The following FA2H variants were observed in gnomAD, a reference collection of about 807,000 sequenced individuals.
The protein encoded by FA2H is fatty acid 2-hydroxylase, also known as fatty acid alpha-hydroxylase.
In FA2H, 22 loss-of-function variants were observed where a neutral mutation model predicts 44.9. The observed-to-expected ratio is 0.49, with a 90% CI of 0.35 to 0.70. The LOEUF is 0.70. Among genes scored for constraint, FA2H ranks in the 30% least tolerant of loss-of-function variants. The pLI is 0.01. For missense variants in FA2H, 501 were observed against 504.9 expected (o/e 0.99, Z 0.07); for synonymous variants, 243 against 213.2 (o/e 1.14, Z -1.22).
At chr16:74,766,322 A>T (rs920836247) in intron 1 of FA2H, among the ~76,000 whole-genome samples, 3 of 151,768 alleles carry the variant, frequency 2.0e-5, no homozygotes, top group African/African-American at 7.3e-5. Flanking sequence ...AAAAAAAAAA[A>T]GTTATGAATG....
chr16:74,772,565 C>T (rs1316802345), intron 1 of FA2H, among the ~76,000 whole-genome samples: 1 of 152,202 alleles, frequency 6.6e-6, no homozygotes, highest in Non-Finnish European at 1.5e-5. Context: ...AGAAATTAGG[C>T]AGGATGACCC....
chr16:74,742,696 G>A (rs1753578189), intron 1 of FA2H, among the ~76,000 whole-genome samples: 2 of 152,116 alleles, frequency 1.3e-5, no homozygotes, highest in African/African-American at 4.8e-5. Flanking sequence ...AAAGCCAGGT[G>A]TGGTGGTAGT....
At position 74,774,758 on chromosome 16, in the gene FA2H, C is replaced by A; in HGVS notation, c.-3G>T. The A allele has an allele frequency of 7.7e-7, 1 of 1,299,722 alleles. No homozygotes were observed. Among genetic ancestry groups the A allele is most frequent in the Non-Finnish European group, 9.7e-7 (1 of 1,031,410 alleles). 80.5% of individuals were successfully genotyped at this position (1,299,722 alleles called of 1,614,324 possible). On this transcript the variant is annotated 5_prime_UTR_variant, in exon 1 of 7. Transcript: ENST00000219368. ...GCGGGGGGCGGAGCGGGGGCCATGG[C>A]CGGAGACCGCAGCTCCCAGCGCGCA...
chr16:74,741,844 GTGTATGTGTGTA>G (rs1177322287), intron 1 of FA2H, among the ~76,000 whole-genome samples: 1 of 140,330 alleles, frequency 7.1e-6, no homozygotes, highest in African/African-American at 2.7e-5. Context: ...GTGTATGTGT[GTGTATGTGTGTA>G]TGTGTGTGTG....
rs570520893 is a variant in FA2H, at chr16:74,714,074, G to A, written c.*116C>T. 4.7e-5 allele frequency: 33 copies of A among 700,364 alleles called. No individual in the cohort carries two copies. Among genetic ancestry groups the A allele is most frequent in the East Asian group, 1.6e-4 (6 of 36,842 alleles). The allele number at this position is 700,364 out of a possible 1,614,324, so 43.4% of individuals were successfully genotyped here. ...GCACCTTCCACTAGGCTGCAGGGCC[G>A]GACACAGCCCATCCTGCCTGGCCAA... is the stretch of plus-strand genomic sequence containing the variant. On this transcript the variant is annotated 3_prime_UTR_variant, in exon 7 of 7. Transcript: ENST00000219368.
At chr16:74,752,365 T>C (rs1421859309) in intron 1 of FA2H, among the ~76,000 whole-genome samples, 1 of 152,106 alleles carries the variant, frequency 6.6e-6, no homozygotes, top group Non-Finnish European at 1.5e-5. Context: ...CCATGACCCA[T>C]GAGCCCCACC....
intron 1 of FA2H, among the ~76,000 whole-genome samples, chr16:74,760,704 C>T (rs1290933907): frequency 1.3e-5 from 2 of 152,246 alleles, no homozygotes; most frequent in Non-Finnish European, 1.5e-5. Flanking sequence ...GATCCTTCTC[C>T]TTCTGTCTTC....
At chr16:74,734,526 C>T (rs1006547161) in intron 2 of FA2H, among the ~76,000 whole-genome samples, 1 of 152,230 alleles carries the variant, frequency 6.6e-6, no homozygotes, top group African/African-American at 2.4e-5. Flanking sequence ...CCAGCCTGCT[C>T]GGTCCCTGCC....
At chr16:74,725,628 G>A (rs1961935697) in intron 4 of FA2H, among the ~76,000 whole-genome samples, 1 of 152,192 alleles carries the variant, frequency 6.6e-6, no homozygotes, top group Non-Finnish European at 1.5e-5. Context: ...ATAATGACAG[G>A]ACCCTTCTTA....
rs57773726 is a variant in FA2H at position 74,741,773 on chromosome 16, A to AATATATATAT, written c.271-1668_271-1659dup. Among the ~76,000 whole-genome samples the AATATATATAT allele has an allele frequency of 8.6e-3, 412 of 47,910 alleles. 6 individuals are homozygous for AATATATATAT. The highest frequency in any genetic ancestry group is 0.012 in the Non-Finnish European group (320 of 27,538). The allele number at this position is 47,910 out of a possible 152,430, so 31.4% of individuals were successfully genotyped here. ...ACCGTGCTGGGCCAACACCTGATTAAATATATATATATATATATATATATA... is the reference window on the plus strand; with the variant it reads ...ACCGTGCTGGGCCAACACCTGATTAAATATATATATATATATATATATATATATATATATA... On this transcript the variant is annotated intron_variant, in intron 1 of 6. Transcript: ENST00000219368.
intron 2 of FA2H, among the ~76,000 whole-genome samples, chr16:74,728,230 C>T (rs1408763643): frequency 6.6e-6 from 1 of 152,146 alleles, no homozygotes; most frequent in African/African-American, 2.4e-5. Flanking sequence ...TTGAGACCAG[C>T]CTGGGCAATA....
intron 1 of FA2H, among the ~76,000 whole-genome samples, chr16:74,744,490 T>C (rs1962378856): frequency 6.7e-6 from 1 of 150,016 alleles, no homozygotes; most frequent in Non-Finnish European, 1.5e-5. Flanking sequence ...CTCAGTCTGT[T>C]ACCCAGGCTG....
At chr16:74,771,064 C>T (rs939656054) in intron 1 of FA2H, among the ~76,000 whole-genome samples, 12 of 152,058 alleles carry the variant, frequency 7.9e-5, no homozygotes, top group African/African-American at 2.9e-4. Flanking sequence ...GTTGCGAGGA[C>T]GAGCCACACC....
intron 1 of FA2H, among the ~76,000 whole-genome samples, chr16:74,765,214 T>C (rs569644655): frequency 2.0e-5 from 3 of 151,722 alleles, no homozygotes; most frequent in Non-Finnish European, 4.4e-5. Flanking sequence ...TGGAGTGCAA[T>C]GGCGCGATCT....
At chr16:74,764,726 TA>T (rs202030097) in intron 1 of FA2H, among the ~76,000 whole-genome samples, 390 of 143,770 alleles carry the variant, frequency 2.7e-3, no homozygotes, top group Middle Eastern at 3.6e-3. Flanking sequence ...CTTAGAAGTT[TA>T]AAAAAAAAAA....
chr16:74,727,233 G>A lies in FA2H; in HGVS notation c.506+11C>T. The stretch of plus-strand genomic sequence containing the variant: ...AGGGACAGCCTGCCACAGGCTCAGG[G>A]AAGAGCTCACCAGACAGTCTTAGAG... On this transcript the variant is annotated intron_variant, in intron 3 of 6. Transcript: ENST00000219368. 6.2e-7 allele frequency: 1 copy of A among 1,613,972 alleles called. No homozygotes were observed. The highest frequency in any genetic ancestry group is 8.5e-7 in the Non-Finnish European group (1 of 1,180,030).
At chr16:74,764,880 G>C (rs538096963) in intron 1 of FA2H, among the ~76,000 whole-genome samples, 1 of 152,124 alleles carries the variant, frequency 6.6e-6, no homozygotes, top group Non-Finnish European at 1.5e-5. Flanking sequence ...GTGTCACCCA[G>C]GTACTTATAG....
intron 2 of FA2H, among the ~76,000 whole-genome samples, chr16:74,736,082 G>T (rs551838231): frequency 6.6e-6 from 1 of 152,296 alleles, no homozygotes; most frequent in African/African-American, 2.4e-5. Flanking sequence ...GCCCTCCCAG[G>T]GTGTCCTCTA....
At chr16:74,742,847 AT>A (rs531438290) in intron 1 of FA2H, among the ~76,000 whole-genome samples, 80 of 151,010 alleles carry the variant, frequency 5.3e-4, no homozygotes, top group South Asian at 1.5e-3. Flanking sequence ...TCAAAAAAAA[AT>A]TTTTTTTTTA....
Sources: allele counts gnomAD v4.1 joint callset (sites outside exome capture counted in the v4.1 genomes callset), GRCh38; gene constraint gnomAD v4.1.1; transcripts MANE v1.5; gene names NCBI Gene and HGNC (gene_info 2026-07-23, HGNC 2026-07-21).